PCCA: variants seen among roughly 807,000 people sequenced by gnomAD.
The protein encoded by PCCA is propionyl-CoA carboxylase subunit alpha.
In PCCA, 74 loss-of-function variants were observed where a neutral mutation model predicts 101.3. That is an observed-to-expected ratio of 0.73 (90% CI 0.61 to 0.89). The LOEUF (loss-of-function observed/expected upper bound fraction) is 0.89, where lower values mean the gene tolerates loss of function less well. PCCA is among the 40% of genes least tolerant of loss of function. The pLI, the probability that PCCA is intolerant of heterozygous loss-of-function variation, is 0.00. For synonymous variants in PCCA, 294 were observed against 313.6 expected, an observed-to-expected ratio of 0.94 and a Z score of 0.66; for missense variants, 891 against 907.0, an observed-to-expected ratio of 0.98 and a Z score of 0.23.
At chr13:100,498,696 C>T (rs1192380783) in intron 21 of PCCA, among the ~76,000 whole-genome samples, 1 of 152,138 alleles carries the variant, frequency 6.6e-6, no homozygotes, top group East Asian at 1.9e-4. Flanking sequence ...CTACTGTTTG[C>T]GTGTGACTTC....
At chr13:100,410,280 G>A (rs2077959213) in intron 19 of PCCA, among the ~76,000 whole-genome samples, 1 of 151,852 alleles carries the variant, frequency 6.6e-6, no homozygotes, top group Non-Finnish European at 1.5e-5. Flanking sequence ...GTCTCGCTCT[G>A]TCCCCAGGCT....
chr13:100,367,739 A>G (rs957098916), intron 18 of PCCA, among the ~76,000 whole-genome samples: 3 of 150,200 alleles, frequency 2.0e-5, no homozygotes, highest in Middle Eastern at 3.5e-3. Flanking sequence ...CGGGTGGATC[A>G]TGAGGTCAGG....
intron 17 of PCCA, among the ~76,000 whole-genome samples, chr13:100,338,177 G>A (rs2150882): frequency 0.019 from 2,860 of 152,254 alleles, 110 homozygotes; most frequent in East Asian, 0.12. Flanking sequence ...CTTTAATCCA[G>A]GTGATTCTGA....
intron 4 of PCCA, among the ~76,000 whole-genome samples, chr13:100,125,292 C>A (rs1308122161): frequency 6.6e-6 from 1 of 152,176 alleles, no homozygotes; most frequent in Admixed American, 6.5e-5. Context: ...TATTTCCAGA[C>A]ATTTAGGTTG....
At chr13:100,371,280 G>A (rs1389466279) in intron 19 of PCCA, among the ~76,000 whole-genome samples, 2 of 152,132 alleles carry the variant, frequency 1.3e-5, no homozygotes, top group Non-Finnish European at 2.9e-5. Flanking sequence ...CACCATTTAT[G>A]TAAATTTTAG....
rs910934805 is a variant in PCCA, at chr13:100,394,237, A to G, written c.1746+25663A>G. On this transcript the variant is annotated intron_variant, in intron 19 of 23. Coordinates refer to ENST00000376285, the MANE Select transcript of PCCA (RefSeq NM_000282.4). This position sits in a 1 kb window ranked among gnomAD's most constrained non-coding sequence, Gnocchi z 4.3. The stretch of plus-strand genomic sequence containing the variant: ...TCATTTCATTCATCCATAACTAGAA[A>G]CACCTCGCTTCAAACGGGTTTCTTC... 6.6e-6 allele frequency among the ~76,000 whole-genome samples: 1 copy of G among 152,192 alleles called. No individual in the cohort carries two copies. Among genetic ancestry groups the G allele is most frequent in the Non-Finnish European group, 1.5e-5 (1 of 68,036 alleles).
intron 18 of PCCA, among the ~76,000 whole-genome samples, chr13:100,365,794 C>A (rs940126396): frequency 3.3e-5 from 5 of 152,148 alleles, no homozygotes; most frequent in African/African-American, 1.2e-4. Flanking sequence ...TAATCAACAC[C>A]TCCCTATCAA....
At chr13:100,167,315 G>A (rs950319154) in intron 6 of PCCA, among the ~76,000 whole-genome samples, 4 of 152,134 alleles carry the variant, frequency 2.6e-5, no homozygotes, top group Non-Finnish European at 5.9e-5. Flanking sequence ...TTGGGAGACT[G>A]AGGTAGGTGG....
At chr13:100,431,893 A>G (rs1036119889) in intron 20 of PCCA, among the ~76,000 whole-genome samples, 9 of 148,886 alleles carry the variant, frequency 6.0e-5, no homozygotes, top group African/African-American at 9.9e-5. Context: ...TAAATAAAAT[A>G]AAATACAGAT....
At chr13:100,441,928 A>G (rs4142254) in intron 20 of PCCA, among the ~76,000 whole-genome samples, 1 of 151,916 alleles carries the variant, frequency 6.6e-6, no homozygotes, top group East Asian at 1.9e-4. Flanking sequence ...AATAAATTCC[A>G]GTTCTGAGTG....
At chr13:100,437,925 C>G (rs375120137) in intron 20 of PCCA, among the ~76,000 whole-genome samples, 255 of 152,266 alleles carry the variant, frequency 1.7e-3, no homozygotes, top group African/African-American at 5.9e-3. Flanking sequence ...CCGCCTCAGC[C>G]TCCCAAAGTG....
At chr13:100,470,579 A>G (rs6491565) in intron 21 of PCCA, among the ~76,000 whole-genome samples, 15,803 of 152,242 alleles carry the variant, frequency 0.1, 1,372 homozygotes, top group African/African-American at 0.23. Context: ...GAGATTCCTG[A>G]GGCCTTGTTT....
chr13:100,334,982 A>G (rs1180706066), intron 17 of PCCA, among the ~76,000 whole-genome samples: 1 of 152,230 alleles, frequency 6.6e-6, no homozygotes, highest in East Asian at 1.9e-4. Flanking sequence ...TAAAAAACAA[A>G]TACTTTTTTA....
At chr13:100,451,829 T>C (rs142758770) in intron 21 of PCCA, among the ~76,000 whole-genome samples, 3 of 95,594 alleles carry the variant, frequency 3.1e-5, no homozygotes, top group African/African-American at 1.0e-4. Context: ...TCTCTCCTCT[T>C]CCTCTCCTCT....
chr13:100,406,964 T>C (rs1355579996), intron 19 of PCCA, among the ~76,000 whole-genome samples: 1 of 152,228 alleles, frequency 6.6e-6, no homozygotes, highest in East Asian at 1.9e-4. Flanking sequence ...GTTAAAATTC[T>C]ATAGCTTATT....
rs547038298 is a variant in PCCA at position 100,387,287 on chromosome 13, A to G, written c.1746+18713A>G. On this transcript the variant is annotated intron_variant, in intron 19 of 23. Coordinates refer to ENST00000376285, the MANE Select transcript of PCCA (RefSeq NM_000282.4). ...GAAGCTGAGTCCGAACAGTTCCTCC[A>G]CAGCCTCCTGTTTCCCCTTCTGTAG... Among the ~76,000 whole-genome samples, 12 of 152,356 alleles carry G rather than the reference A, an allele frequency of 7.9e-5. No individual in the cohort carries two copies. The South Asian group carries it at 2.5e-3, about 32-fold the overall frequency.
chr13:100,458,461 A>G (rs1329497568), intron 21 of PCCA, among the ~76,000 whole-genome samples: 5 of 100,992 alleles, frequency 5.0e-5, no homozygotes, highest in African/African-American at 1.6e-4. Flanking sequence ...ACACACACAC[A>G]CACACACACA....
chr13:100,155,173 ATAGG>A, intron 5 of PCCA, 81 bp downstream of exon 5: 1 of 935,764 alleles, frequency 1.1e-6, no homozygotes, highest in Non-Finnish European at 1.7e-6. Context: ...AAAAAAAAAA[ATAGG>A]AAAGAATGAT....
chr13:100,523,026 C>T (rs539539809), intron 22 of PCCA, among the ~76,000 whole-genome samples: 8 of 152,298 alleles, frequency 5.3e-5, no homozygotes, highest in South Asian at 4.1e-4. Context: ...TTTTTTCCCC[C>T]GTTCTCTTCT....
Sources: gnomAD v4.1 joint callset for allele counts (sites outside exome capture counted in the v4.1 genomes callset) on GRCh38, gnomAD v4.1.1 for gene constraint, Gnocchi (gnomAD v3.1) non-coding constraint, MANE v1.5 for transcripts, NCBI Gene and HGNC (gene_info 2026-07-23, HGNC 2026-07-21) for gene names.